The following HDX variants were observed in gnomAD, a reference collection of about 807,000 sequenced individuals.
HDX encodes the protein highly divergent homeobox.
HDX carries 19 observed loss-of-function variants against 45.2 expected under a neutral mutation model. The observed-to-expected ratio is 0.42, with a 90% CI of 0.29 to 0.62. The LOEUF (loss-of-function observed/expected upper bound fraction) is 0.62, where lower values mean the gene tolerates loss of function less well. HDX is among the 20% of genes least tolerant of loss of function. The pLI is 0.20. For missense variants in HDX, 532 were observed against 493.9 expected, an observed-to-expected ratio of 1.08 and a Z score of -0.73; for synonymous variants, 188 against 172.8, an observed-to-expected ratio of 1.09 and a Z score of -0.69.
intron 5 of HDX, among the ~76,000 whole-genome samples, chrX:84,408,422 A>G (rs57779343): frequency 0.07 from 7,433 of 105,904 alleles, 317 homozygotes; most frequent in African/African-American, 0.16. Context: ...CTATTTTTGT[A>G]CCAATAGCAT....
chrX:84,440,677 G>T, intron 4 of HDX, 92 bp from the exon 5 acceptor site: 3 of 547,851 alleles, frequency 5.5e-6, no homozygotes, highest in Middle Eastern at 5.3e-4. Flanking sequence ...ACTATTTCAA[G>T]ATAAATCTGC....
At chrX:84,385,282 C>A (rs1162645680) in intron 5 of HDX, among the ~76,000 whole-genome samples, 1 of 83,893 alleles carries the variant, frequency 1.2e-5, no homozygotes, top group East Asian at 4.1e-4. Context: ...GGCGGGATCT[C>A]GGCTCACTGC....
chrX:84,324,939 G>A (rs181867457), intron 10 of HDX, among the ~76,000 whole-genome samples: 51 of 110,925 alleles, frequency 4.6e-4, no homozygotes, highest in African/African-American at 1.5e-3. Flanking sequence ...CTGCATTTTA[G>A]GTTTCTAAAA....
At chrX:84,377,600 G>A (rs939012321) in intron 5 of HDX, among the ~76,000 whole-genome samples, 9 of 111,174 alleles carry the variant, frequency 8.1e-5, no homozygotes, top group Admixed American at 1.9e-4. Context: ...AAATGCAATT[G>A]ATATACCAAA....
intron 5 of HDX, among the ~76,000 whole-genome samples, chrX:84,362,768 A>G (rs1014493321): frequency 1.8e-5 from 2 of 111,591 alleles, no homozygotes; most frequent in African/African-American, 6.5e-5. Context: ...TGAAATTTAA[A>G]ATGAAACCTC....
chrX:84,368,316 G>A (rs1416695995), intron 5 of HDX, among the ~76,000 whole-genome samples: 2 of 111,457 alleles, frequency 1.8e-5, no homozygotes, highest in Non-Finnish European at 3.8e-5. Flanking sequence ...TTAAAGTGTT[G>A]TCTTTTTTAC....
chrX:84,474,924 T>A (rs925682071), intron 3 of HDX, among the ~76,000 whole-genome samples: 1 of 111,915 alleles, frequency 8.9e-6, no homozygotes, highest in African/African-American at 3.2e-5. Flanking sequence ...TTACTGATAT[T>A]ATTTTTGGGG....
At position 84,326,166 on chromosome X, in the gene HDX, C is replaced by T; in HGVS notation, c.1947+12G>A. On this transcript the variant is annotated intron_variant, in intron 10 of 10. Coordinates refer to ENST00000373177, the MANE Select transcript of HDX (RefSeq NM_001177479.2). ...GATACATTGCAGCTTACTAGTCTTT[C>T]CTGGGACCTACCTGCTGTTGTTCCT... is the stretch of plus-strand genomic sequence containing the variant. 2 of 1,207,495 alleles carry T rather than the reference C, an allele frequency of 1.7e-6. No individual in the cohort carries two copies. Among genetic ancestry groups the T allele is most frequent in the African/African-American group, 3.5e-5 (2 of 57,659 alleles).
intron 9 of HDX, among the ~76,000 whole-genome samples, chrX:84,332,290 C>G (rs1489638276): frequency 9.0e-6 from 1 of 111,626 alleles, no homozygotes; most frequent in Non-Finnish European, 1.9e-5. Flanking sequence ...ACTGCCAAGC[C>G]TGAGACACTT....
chrX:84,380,449 G>C (rs1238932994), intron 5 of HDX, among the ~76,000 whole-genome samples: 1 of 110,277 alleles, frequency 9.1e-6, no homozygotes, highest in Non-Finnish European at 1.9e-5. Flanking sequence ...CAATATCTCT[G>C]ATAAATATCG....
In HDX at chrX:84,344,452, C is replaced by T. The variant is rs1569284670; in HGVS notation, c.1458G>A (p.Trp486Ter). The T allele has an allele frequency of 8.4e-7, 1 of 1,188,913 alleles. No individual in the cohort carries two copies. ...LNVDCEIVRTWIGNRRRKYRL... is the reference protein window; with the variant it reads ...LNVDCEIVRT ...GATATTTCCTTCTTCGATTCCCAATCCAAGTCTTTATAAGAGAAATATAGG... is the reference window on the plus strand; with the variant it reads ...GATATTTCCTTCTTCGATTCCCAATTCAAGTCTTTATAAGAGAAATATAGG... The change falls in exon 7 of 11, where the codon TGG (tryptophan) becomes TGA (stop). Residue 486 changes from tryptophan (W) to a stop codon, truncating the protein, a stop_gained. Coordinates refer to ENST00000373177, the MANE Select transcript of HDX (RefSeq NM_001177479.2). LOFTEE classifies it high-confidence loss of function.
chrX:84,481,598 G>T (rs1387900622), intron 2 of HDX, among the ~76,000 whole-genome samples: 1 of 111,498 alleles, frequency 9.0e-6, no homozygotes, highest in Non-Finnish European at 1.9e-5. Flanking sequence ...ACAAATTGGG[G>T]TCTGTTTTCC....
At chrX:84,457,784 T>C (rs1324997154) in intron 4 of HDX, among the ~76,000 whole-genome samples, 2 of 111,983 alleles carry the variant, frequency 1.8e-5, no homozygotes, top group Non-Finnish European at 3.8e-5. Context: ...GTTTCTTCCA[T>C]TGTCAACATT....
chrX:84,454,603 C>G (rs1257880581), intron 4 of HDX, among the ~76,000 whole-genome samples: 1 of 111,022 alleles, frequency 9.0e-6, no homozygotes, highest in Non-Finnish European at 1.9e-5. Context: ...AACTCTGGGC[C>G]CTCTCTCTTG....
intron 5 of HDX, among the ~76,000 whole-genome samples, chrX:84,417,394 G>T (rs1321893803): frequency 1.8e-5 from 2 of 111,873 alleles, no homozygotes; most frequent in Non-Finnish European, 3.8e-5. Flanking sequence ...CAGCAGCAGA[G>T]AAATGGGTAA....
intron 5 of HDX, among the ~76,000 whole-genome samples, chrX:84,377,683 A>G (rs1271588372): frequency 9.0e-6 from 1 of 111,099 alleles, no homozygotes; most frequent in Admixed American, 9.7e-5. Flanking sequence ...AAGACATGTT[A>G]TTTAATAATA....
At chrX:84,487,693 C>G (rs1037591073) in intron 2 of HDX, among the ~76,000 whole-genome samples, 1 of 112,161 alleles carries the variant, frequency 8.9e-6, no homozygotes, top group Non-Finnish European at 1.9e-5. Flanking sequence ...CCTTCCTCAA[C>G]TCTTTCCTCT....
intron 6 of HDX, among the ~76,000 whole-genome samples, chrX:84,354,946 T>C (rs745621459): frequency 0.16 from 14,348 of 87,386 alleles, 1,107 homozygotes; most frequent in East Asian, 0.48. Context: ...TATATATATA[T>C]ATATATATAT....
At chrX:84,399,796 C>T (rs1302631796) in intron 5 of HDX, among the ~76,000 whole-genome samples, 1 of 111,406 alleles carries the variant, frequency 9.0e-6, no homozygotes, top group Admixed American at 9.5e-5. Flanking sequence ...TGATAATCAC[C>T]GATGTGAAAA....
Sources: gnomAD v4.1 joint callset for allele counts (sites outside exome capture counted in the v4.1 genomes callset) on GRCh38, gnomAD v4.1.1 for gene constraint, MANE v1.5 for transcripts, NCBI Gene and HGNC (gene_info 2026-07-23, HGNC 2026-07-21) for gene names.